The following KCNQ1 variants were observed in gnomAD, a reference collection of about 807,000 sequenced individuals.
KCNQ1 encodes the protein potassium voltage-gated channel subfamily KQT member 1.
Under a neutral mutation model 72.4 loss-of-function variants are expected in KCNQ1, and 49 were observed. The ratio of observed to expected loss-of-function variants is 0.68; its 90% CI spans 0.54 to 0.86. KCNQ1 has a LOEUF of 0.86. Ranked by LOEUF, KCNQ1 falls within the 40% of genes least tolerant of loss-of-function variation. The pLI is 0.00. For missense variants in KCNQ1, 790 were observed against 945.1 expected (o/e 0.84, Z 2.15); for synonymous variants, 450 against 412.6 (o/e 1.09, Z -1.10).
At position 2,705,295 on chromosome 11, in the gene KCNQ1, G is replaced by A. The variant is rs1850887895; in HGVS notation, c.1514+43214G>A. Among the ~76,000 whole-genome samples the A allele has an allele frequency of 1.3e-5, 2 of 152,192 alleles. 1 individual carries two copies. Among genetic ancestry groups the A allele is most frequent in the South Asian group, 4.1e-4 (2 of 4,832 alleles). On this transcript the variant is annotated intron_variant, in intron 11 of 15. Transcript: ENST00000155840. ...GTTCAGGCGGTCTCCATGAGTGGCA[G>A]CACGGGGTGTGGGCCAGTTCCCATT...
chr11:2,744,963 T>G (rs1191855564), intron 11 of KCNQ1, among the ~76,000 whole-genome samples: 2 of 152,164 alleles, frequency 1.3e-5, no homozygotes, highest in African/African-American at 4.8e-5. Flanking sequence ...TACAAGGGTG[T>G]GTGATCGGGG....
chr11:2,448,619 T>C (rs1846078242), intron 1 of KCNQ1, among the ~76,000 whole-genome samples: 1 of 152,244 alleles, frequency 6.6e-6, no homozygotes, highest in Non-Finnish European at 1.5e-5. Flanking sequence ...GTGGTGGGGC[T>C]GGGCACAGAG....
Position 2,567,986 on chromosome 11 carries a change from A to G in KCNQ1, c.478-2642A>G, listed in dbSNP as rs994689199. On this transcript the variant is annotated intron_variant, in intron 2 of 15. Transcript: ENST00000155840. The surrounding 1 kb of genome is among the most constrained non-coding windows in gnomAD (Gnocchi z 6.6). ...GTAATTTTAAAAGTGCATCAAAACAAGGTCAGGCGCGGTGGCTCACGCTTA... is the reference window on the plus strand; with the variant it reads ...GTAATTTTAAAAGTGCATCAAAACAGGGTCAGGCGCGGTGGCTCACGCTTA... Among the ~76,000 whole-genome samples the G allele has an allele frequency of 1.3e-5, 2 of 152,134 alleles. No homozygotes were observed. The highest frequency in any genetic ancestry group is 2.9e-5 in the Non-Finnish European group (2 of 68,020).
Position 2,682,324 on chromosome 11 carries a change from G to A in KCNQ1, c.1514+20243G>A, listed in dbSNP as rs993211240. 3 of 398,500 alleles carry A rather than the reference G, an allele frequency of 7.5e-6. No individual in the cohort carries two copies. In the Admixed American group the frequency reaches 1.3e-4, roughly 18 times the overall value. The allele number at this position is 398,500 out of a possible 1,614,324, so 24.7% of individuals were successfully genotyped here. ...CCCCTCCCATTCTTAATGTGTAACT[G>A]TGTGTTTATTTGTGGTAAAGGGTTT... On this transcript the variant is annotated intron_variant, in intron 11 of 15. Coordinates refer to ENST00000155840, the MANE Select transcript of KCNQ1 (RefSeq NM_000218.3). The surrounding 1 kb of genome is among the most constrained non-coding windows in gnomAD (Gnocchi z 5.8).
chr11:2,454,133 G>C (rs573749090), intron 1 of KCNQ1, among the ~76,000 whole-genome samples: 69 of 152,002 alleles, frequency 4.5e-4, no homozygotes, highest in Non-Finnish European at 9.1e-4. Context: ...TTCTTCATCT[G>C]ATAAAGGGGA....
intron 2 of KCNQ1, among the ~76,000 whole-genome samples, chr11:2,533,418 C>T (rs537259085): frequency 6.6e-6 from 1 of 152,196 alleles, no homozygotes. Flanking sequence ...GGGAGGAGAG[C>T]CACTTCCTGG....
At chr11:2,696,590 C>T (rs1027392837) in intron 11 of KCNQ1, 5 of 398,530 alleles carry the variant, frequency 1.3e-5, no homozygotes, top group African/African-American at 2.1e-5. Context: ...TGTTAAATTA[C>T]TCAAGCCCTC....
intron 11 of KCNQ1, among the ~76,000 whole-genome samples, chr11:2,707,351 A>G (rs932798300): frequency 1.9e-4 from 29 of 152,368 alleles, no homozygotes; most frequent in African/African-American, 6.3e-4. Context: ...TTTAGCCCTC[A>G]GGAGGCAAGT....
Position 2,607,287 on chromosome 11 carries a change from A to G in KCNQ1, c.1393+18433A>G, listed in dbSNP as rs139957106. ...TATATTGAGTAGGGCTTTTTCTCCC[A>G]TCATGGAAGGGTGTTGAATTTTATC... On this transcript the variant is annotated intron_variant, in intron 10 of 15. Coordinates refer to ENST00000155840, the MANE Select transcript of KCNQ1 (RefSeq NM_000218.3). Among the ~76,000 whole-genome samples, 287 of 152,156 alleles carry G rather than the reference A, an allele frequency of 1.9e-3. 1 individual carries two copies. Among genetic ancestry groups the G allele is most frequent in the Admixed American group, 0.014 (216 of 15,284 alleles).
chr11:2,776,919 C>G, intron 13 of KCNQ1, 67 bp from the exon 14 acceptor site: 1 of 1,494,150 alleles, frequency 6.7e-7, no homozygotes, highest in Non-Finnish European at 9.3e-7. Flanking sequence ...GTCTGTCCCA[C>G]AGACGACAGT....
chr11:2,684,273 T>C (rs1850447941), intron 11 of KCNQ1: 1 of 398,060 alleles, frequency 2.5e-6, no homozygotes, highest in Non-Finnish European at 4.4e-6. Context: ...AAAAGGGGAG[T>C]TGGTTAGGCT....
chr11:2,481,016 G>C lies in KCNQ1; in HGVS notation c.386+35532G>C, dbSNP rs560569644. ...TGCTATTCTTGCAACTTCTCTATAA[G>C]TTTGAAATGAAATCATATAAATCGA... On this transcript the variant is annotated intron_variant, in intron 1 of 15. Coordinates refer to ENST00000155840, the MANE Select transcript of KCNQ1 (RefSeq NM_000218.3). This position sits in a 1 kb window ranked among gnomAD's most constrained non-coding sequence, Gnocchi z 4.6. Among the ~76,000 whole-genome samples, 1 of 152,292 alleles carries C rather than the reference G, an allele frequency of 6.6e-6. No homozygotes were observed. Among genetic ancestry groups the C allele is most frequent in the African/African-American group, 2.4e-5 (1 of 41,564 alleles).
Position 2,710,352 on chromosome 11 carries a change from T to C in KCNQ1, c.1514+48271T>C, listed in dbSNP as rs1183617881. Reference sequence around the variant, plus strand: ...GTTTTTATTATTTAGTAGAGTTCTTTATAGTCTAGATATAAGTTTTTTATA... The same window carrying C: ...GTTTTTATTATTTAGTAGAGTTCTTCATAGTCTAGATATAAGTTTTTTATA... On this transcript the variant is annotated intron_variant, in intron 11 of 15. Coordinates refer to ENST00000155840, the MANE Select transcript of KCNQ1 (RefSeq NM_000218.3). The surrounding 1 kb of genome is among the most constrained non-coding windows in gnomAD (Gnocchi z 4.1). 6.6e-6 allele frequency among the ~76,000 whole-genome samples: 1 copy of C among 152,240 alleles called. No individual in the cohort carries two copies. The highest frequency in any genetic ancestry group is 2.4e-5 in the African/African-American group (1 of 41,462).
intron 10 of KCNQ1, chr11:2,610,107 C>T: frequency 5.0e-6 from 2 of 397,634 alleles, no homozygotes; most frequent in Non-Finnish European, 8.9e-6. Context: ...TTGCTGCTTT[C>T]TTTTCCATCT....
chr11:2,649,978 T>C (rs1849732612), intron 10 of KCNQ1: 1 of 398,494 alleles, frequency 2.5e-6, no homozygotes, highest in African/African-American at 2.1e-5. Context: ...CATTCTTCAT[T>C]CTTTTTTATT....
Position 2,651,417 on chromosome 11 carries a change from C to T in KCNQ1, c.1394-10544C>T. The T allele has an allele frequency of 2.5e-6, 1 of 398,658 alleles. No individual in the cohort carries two copies. The allele number at this position is 398,658 out of a possible 1,614,324, so 24.7% of individuals were successfully genotyped here. ...CTCACTTTCCATTCCTTTTGGCCTG[C>T]CCTGTGTGCAGCTCAGCAAGTGCCT... On this transcript the variant is annotated intron_variant, in intron 10 of 15. Coordinates refer to ENST00000155840, the MANE Select transcript of KCNQ1 (RefSeq NM_000218.3). The surrounding 1 kb of genome is among the most constrained non-coding windows in gnomAD (Gnocchi z 6.1).
At chr11:2,502,717 A>G (rs1205785743) in intron 1 of KCNQ1, among the ~76,000 whole-genome samples, 1 of 152,238 alleles carries the variant, frequency 6.6e-6, no homozygotes, top group African/African-American at 2.4e-5. Context: ...CTAAAGTCCC[A>G]GAATAGTCAA....
intron 11 of KCNQ1, among the ~76,000 whole-genome samples, chr11:2,753,143 G>A (rs1439504996): frequency 2.0e-5 from 3 of 152,320 alleles, no homozygotes; most frequent in South Asian, 2.1e-4. Context: ...GCCAGGTTGC[G>A]AGGAGCCTGG....
chr11:2,736,096 T>C (rs992948741), intron 11 of KCNQ1, among the ~76,000 whole-genome samples: 1 of 152,090 alleles, frequency 6.6e-6, no homozygotes, highest in Non-Finnish European at 1.5e-5. Context: ...GTGGTCCTTA[T>C]ACATACTTTA....
Sources: allele counts gnomAD v4.1 joint callset (sites outside exome capture counted in the v4.1 genomes callset), GRCh38; gene constraint gnomAD v4.1.1; non-coding constraint Gnocchi (gnomAD v3.1); transcripts MANE v1.5; gene names NCBI Gene and HGNC (gene_info 2026-07-23, HGNC 2026-07-21).